Variants in ANGPT1 observed in about 807,000 individuals in gnomAD.
ANGPT1 encodes the protein angiopoietin 1, also known as angiopoietin-1.
ANGPT1 carries 17 observed loss-of-function variants against 62.2 expected under a neutral mutation model. The ratio of observed to expected loss-of-function variants is 0.27; its 90% CI spans 0.19 to 0.41. ANGPT1 has a LOEUF of 0.41. Ranked by LOEUF, ANGPT1 falls within the 10% of genes least tolerant of loss-of-function variation. The pLI, the probability that ANGPT1 is intolerant of heterozygous loss-of-function variation, is 1.00. For synonymous variants in ANGPT1, 199 were observed against 198.9 expected (o/e 1.00, Z 0.00); for missense variants, 478 against 594.9 (o/e 0.80, Z 2.04).
intron 1 of ANGPT1, among the ~76,000 whole-genome samples, chr8:107,390,842 G>C (rs1478667041): frequency 6.6e-6 from 1 of 152,112 alleles, no homozygotes; most frequent in African/African-American, 2.4e-5. Context: ...CAGATCTAGT[G>C]AGAGGCCAGG....
chr8:107,353,816 A>G (rs979502257), intron 1 of ANGPT1, among the ~76,000 whole-genome samples: 1 of 152,140 alleles, frequency 6.6e-6, no homozygotes, highest in Non-Finnish European at 1.5e-5. Context: ...TGAATGAGTC[A>G]TTTCAATAGA....
chr8:107,276,565 C>G (rs1168555240), intron 7 of ANGPT1, among the ~76,000 whole-genome samples: 2 of 151,838 alleles, frequency 1.3e-5, no homozygotes, highest in Non-Finnish European at 2.9e-5. Context: ...GAATTCTTTT[C>G]AATCCACATG....
intron 1 of ANGPT1, among the ~76,000 whole-genome samples, chr8:107,389,554 C>T (rs1304938515): frequency 2.6e-5 from 4 of 151,984 alleles, no homozygotes; most frequent in Non-Finnish European, 5.9e-5. Flanking sequence ...GCACATGTTC[C>T]ACTGGGGGCT....
intron 3 of ANGPT1, among the ~76,000 whole-genome samples, chr8:107,324,842 C>T (rs1815248724): frequency 6.6e-6 from 1 of 152,128 alleles, no homozygotes; most frequent in Non-Finnish European, 1.5e-5. Context: ...CAGTAGAAGT[C>T]CCATTTCTGT....
chr8:107,342,712 A>G (rs1389585773), intron 2 of ANGPT1, among the ~76,000 whole-genome samples: 1 of 151,888 alleles, frequency 6.6e-6, no homozygotes, highest in African/African-American at 2.4e-5. Flanking sequence ...ATGACCCACT[A>G]AAGAGTTTGT....
At chr8:107,449,400 G>GCACACACACACA (rs10537811) in intron 1 of ANGPT1, among the ~76,000 whole-genome samples, 26 of 148,208 alleles carry the variant, frequency 1.8e-4, no homozygotes, top group African/African-American at 5.0e-4. Context: ...ACACACACAT[G>GCACACACACACA]CACACACACA....
chr8:107,373,653 T>C (rs1316931576), intron 1 of ANGPT1, among the ~76,000 whole-genome samples: 1 of 152,160 alleles, frequency 6.6e-6, no homozygotes. Flanking sequence ...AAGTTTTTCT[T>C]TCTAGGGGCT....
chr8:107,417,178 G>A (rs188707189), intron 1 of ANGPT1, among the ~76,000 whole-genome samples: 10 of 152,244 alleles, frequency 6.6e-5, no homozygotes, highest in African/African-American at 2.4e-4. Flanking sequence ...AAGGGACATG[G>A]GAGTTATAAG....
intron 8 of ANGPT1, among the ~76,000 whole-genome samples, chr8:107,253,630 A>C (rs1186953634): frequency 6.6e-6 from 1 of 152,202 alleles, no homozygotes; most frequent in Non-Finnish European, 1.5e-5. Context: ...ACAATGATTC[A>C]TAGAATTCTC....
chr8:107,317,019 A>G (rs1460738381), intron 4 of ANGPT1, among the ~76,000 whole-genome samples: 1 of 152,214 alleles, frequency 6.6e-6, no homozygotes, highest in African/African-American at 2.4e-5. Context: ...TAGAATCATA[A>G]TAAGGATTCA....
chr8:107,377,150 A>T (rs1461337162), intron 1 of ANGPT1, among the ~76,000 whole-genome samples: 1 of 152,206 alleles, frequency 6.6e-6, no homozygotes, highest in African/African-American at 2.4e-5. Flanking sequence ...ATTTCACTTC[A>T]ATACACACTT....
At chr8:107,482,265 A>T (rs1250339249) in intron 1 of ANGPT1, among the ~76,000 whole-genome samples, 1 of 152,196 alleles carries the variant, frequency 6.6e-6, no homozygotes, top group Non-Finnish European at 1.5e-5. Context: ...ATGAGTCAGG[A>T]TTTCAGAAAA....
At chr8:107,497,088 CA>C (rs1184400673) in intron 1 of ANGPT1, among the ~76,000 whole-genome samples, 173 bp downstream of exon 1, 1 of 152,174 alleles carries the variant, frequency 6.6e-6, no homozygotes, top group Non-Finnish European at 1.5e-5. Context: ...GGCAAGCCCC[CA>C]AACCTTGGCT....
chr8:107,371,277 T>C (rs1816405156), intron 1 of ANGPT1, among the ~76,000 whole-genome samples: 1 of 152,226 alleles, frequency 6.6e-6, no homozygotes, highest in African/African-American at 2.4e-5. Context: ...AGTCTACTGA[T>C]GCAATTTCTA....
intron 1 of ANGPT1, among the ~76,000 whole-genome samples, chr8:107,481,086 T>A (rs1308178388): frequency 6.6e-6 from 1 of 152,172 alleles, no homozygotes; most frequent in Non-Finnish European, 1.5e-5. Context: ...CAGAGAAACT[T>A]CAGCAGAGTC....
At chr8:107,413,976 G>C (rs1004807892) in intron 1 of ANGPT1, among the ~76,000 whole-genome samples, 2 of 152,088 alleles carry the variant, frequency 1.3e-5, no homozygotes, top group Non-Finnish European at 2.9e-5. Context: ...GAAGAAAAGT[G>C]GGTTTGGTGG....
chr8:107,312,814 G>C (rs934037444), intron 4 of ANGPT1, among the ~76,000 whole-genome samples: 2 of 152,118 alleles, frequency 1.3e-5, no homozygotes, highest in Non-Finnish European at 2.9e-5. Flanking sequence ...CAGCAGAGCT[G>C]GGACTAGAAC....
intron 1 of ANGPT1, among the ~76,000 whole-genome samples, chr8:107,358,246 T>C (rs1019574158): frequency 6.6e-6 from 1 of 152,148 alleles, no homozygotes; most frequent in Non-Finnish European, 1.5e-5. Context: ...TGAATAATAT[T>C]TGTTGAGTAG....
intron 1 of ANGPT1, among the ~76,000 whole-genome samples, chr8:107,436,263 A>G (rs546919312): frequency 2.0e-5 from 3 of 152,294 alleles, no homozygotes; most frequent in African/African-American, 7.2e-5. Context: ...TCCTTTCTTC[A>G]AGGCCACACA....
Sources: allele counts gnomAD v4.1 joint callset (sites outside exome capture counted in the v4.1 genomes callset), GRCh38; gene constraint gnomAD v4.1.1; transcripts MANE v1.5; gene names NCBI Gene and HGNC (gene_info 2026-07-23, HGNC 2026-07-21).